The following CNTN5 variants were observed in gnomAD, a reference collection of about 807,000 sequenced individuals.
CNTN5 encodes contactin-5.
A neutral mutation model predicts 129.1 loss-of-function variants in CNTN5; 77 were observed. The observed-to-expected ratio is 0.60, with a 90% CI of 0.50 to 0.72. The LOEUF (loss-of-function observed/expected upper bound fraction) is 0.72. Ranked by LOEUF, CNTN5 falls within the 30% of genes least tolerant of loss-of-function variation. The probability of loss-of-function intolerance (pLI) is 0.00; values close to 1 mark genes in which losing one functional copy is unlikely to be tolerated. For missense variants in CNTN5, 1,478 were observed against 1,328.8 expected (o/e 1.11, Z -1.75); for synonymous variants, 509 against 465.6 (o/e 1.09, Z -1.20).
chr11:99,225,530 C>G (rs1228832257), intron 1 of CNTN5, among the ~76,000 whole-genome samples: 2 of 152,128 alleles, frequency 1.3e-5, no homozygotes, highest in Non-Finnish European at 2.9e-5. Flanking sequence ...CATGAGAAAT[C>G]CGCCTATCTG....
At chr11:100,035,173 C>A (rs1779107651) in intron 9 of CNTN5, among the ~76,000 whole-genome samples, 1 of 151,298 alleles carries the variant, frequency 6.6e-6, no homozygotes, top group African/African-American at 2.4e-5. Flanking sequence ...TTCCTGTGTC[C>A]ATGTGTTCCA....
chr11:99,413,927 T>C (rs1942516952), intron 2 of CNTN5, among the ~76,000 whole-genome samples: 1 of 152,204 alleles, frequency 6.6e-6, no homozygotes, highest in South Asian at 2.1e-4. Context: ...ATAAATTAAA[T>C]GTCAACACAT....
At chr11:99,109,178 ATGT>A (rs1476861204) in intron 1 of CNTN5, among the ~76,000 whole-genome samples, 2 of 151,566 alleles carry the variant, frequency 1.3e-5, no homozygotes, top group African/African-American at 4.8e-5. Flanking sequence ...TGACTATCTG[ATGT>A]TGTTACATGT....
intron 3 of CNTN5, among the ~76,000 whole-genome samples, chr11:99,669,648 A>G (rs1952954639): frequency 6.6e-6 from 1 of 152,126 alleles, no homozygotes; most frequent in Non-Finnish European, 1.5e-5. Context: ...GCAATACATT[A>G]TTGTTAGTAA....
chr11:99,127,173 AC>A (rs1251540591), intron 1 of CNTN5, among the ~76,000 whole-genome samples: 1 of 152,158 alleles, frequency 6.6e-6, no homozygotes, highest in African/African-American at 2.4e-5. Context: ...ATTATAGCCT[AC>A]TTGCTCTTAT....
chr11:99,150,771 A>G (rs1860013808), intron 1 of CNTN5, among the ~76,000 whole-genome samples: 1 of 152,028 alleles, frequency 6.6e-6, no homozygotes, highest in African/African-American at 2.4e-5. Flanking sequence ...TAAATTTAAG[A>G]TGTTAGAGAC....
chr11:100,016,724 C>T (rs1461702320), intron 9 of CNTN5, among the ~76,000 whole-genome samples: 2 of 151,830 alleles, frequency 1.3e-5, no homozygotes, highest in Non-Finnish European at 2.9e-5. Flanking sequence ...TTTATGTATG[C>T]ACATGTGTGT....
At chr11:100,192,570 C>A (rs902565624) in intron 14 of CNTN5, among the ~76,000 whole-genome samples, 2 of 151,964 alleles carry the variant, frequency 1.3e-5, no homozygotes, top group African/African-American at 4.8e-5. Flanking sequence ...AATTGTTAAT[C>A]ACTGTGTTAA....
intron 20 of CNTN5, among the ~76,000 whole-genome samples, chr11:100,306,185 G>A (rs1156877985): frequency 6.6e-6 from 1 of 151,612 alleles, no homozygotes; most frequent in Admixed American, 6.6e-5. Context: ...TGTAGGTGTG[G>A]TATGACCCTG....
chr11:99,621,080 C>T (rs780632710), intron 3 of CNTN5, among the ~76,000 whole-genome samples: 3 of 151,934 alleles, frequency 2.0e-5, no homozygotes, highest in Admixed American at 6.6e-5. Flanking sequence ...TGTGGTAGAA[C>T]GGGCAACTAT....
intron 3 of CNTN5, among the ~76,000 whole-genome samples, chr11:99,815,840 T>C (rs1236925596): frequency 2.0e-5 from 3 of 152,176 alleles, no homozygotes; most frequent in Admixed American, 2.0e-4. Context: ...TTTCATCTTA[T>C]TATTCCATCT....
chr11:99,854,549 T>C (rs1303220754), intron 6 of CNTN5, among the ~76,000 whole-genome samples: 1 of 152,066 alleles, frequency 6.6e-6, no homozygotes, highest in Non-Finnish European at 1.5e-5. Flanking sequence ...TAAAAACATA[T>C]GGAGGAGTTA....
chr11:99,777,719 AAC>A (rs988984869), intron 3 of CNTN5, among the ~76,000 whole-genome samples: 2 of 151,846 alleles, frequency 1.3e-5, no homozygotes, highest in Non-Finnish European at 2.9e-5. Flanking sequence ...CCTCAGGTGT[AAC>A]AGAGTTGATT....
chr11:99,074,926 T>C (rs1008830503), intron 1 of CNTN5, among the ~76,000 whole-genome samples: 3 of 152,204 alleles, frequency 2.0e-5, no homozygotes, highest in Admixed American at 2.0e-4. Flanking sequence ...ATTGGGATGA[T>C]GTAAAACATG....
At chr11:99,762,076 T>C (rs10893855) in intron 3 of CNTN5, among the ~76,000 whole-genome samples, 15,444 of 72,834 alleles carry the variant, frequency 0.21, 1,587 homozygotes, top group Middle Eastern at 0.27. Flanking sequence ...TTGAGAAGTG[T>C]CTGTTCATGT....
intron 8 of CNTN5, among the ~76,000 whole-genome samples, chr11:99,994,027 C>T (rs1591538933): frequency 6.6e-6 from 1 of 151,982 alleles, no homozygotes; most frequent in Non-Finnish European, 1.5e-5. Context: ...CCTCTTGGGG[C>T]CAGAAGTGAG....
At chr11:100,336,309 G>A (rs1944176) in intron 21 of CNTN5, among the ~76,000 whole-genome samples, 1 of 152,130 alleles carries the variant, frequency 6.6e-6, no homozygotes, top group Non-Finnish European at 1.5e-5. Context: ...TTGCACGGCA[G>A]CATTTTAATT....
chr11:99,644,996 G>T (rs1244546121), intron 3 of CNTN5, among the ~76,000 whole-genome samples: 1 of 151,628 alleles, frequency 6.6e-6, no homozygotes, highest in Non-Finnish European at 1.5e-5. Context: ...GTCAGGCGTG[G>T]TGGCTTATGC....
At chr11:100,279,344 C>G (rs894750056) in intron 18 of CNTN5, among the ~76,000 whole-genome samples, 11 of 151,148 alleles carry the variant, frequency 7.3e-5, no homozygotes, top group Non-Finnish European at 1.5e-4. Flanking sequence ...TGGAAGTGTT[C>G]CCTCCTTCTC....
Sources: gnomAD v4.1 joint callset for allele counts (sites outside exome capture counted in the v4.1 genomes callset) on GRCh38, gnomAD v4.1.1 for gene constraint, MANE v1.5 for transcripts, NCBI Gene and HGNC (gene_info 2026-07-23, HGNC 2026-07-21) for gene names.